Variants in SGCZ observed in about 807,000 individuals in gnomAD.
The protein encoded by SGCZ is zeta-sarcoglycan.
In SGCZ, 40 loss-of-function variants were observed where a neutral mutation model predicts 41.3. The ratio of observed to expected loss-of-function variants is 0.97; its 90% CI spans 0.75 to 1.26. SGCZ has a LOEUF of 1.26. Among genes scored for constraint, SGCZ ranks in the 50% most tolerant of loss-of-function variants. The pLI is 0.00. For synonymous variants in SGCZ, 206 were observed against 137.5 expected, an observed-to-expected ratio of 1.50 and a Z score of -3.49; for missense variants, 552 against 369.8, an observed-to-expected ratio of 1.49 and a Z score of -4.04.
intron 1 of SGCZ, among the ~76,000 whole-genome samples, chr8:15,097,404 A>G (rs1022749838): frequency 1.3e-5 from 2 of 152,120 alleles, no homozygotes; most frequent in Admixed American, 6.6e-5. Flanking sequence ...AACCGCAACT[A>G]TAGTCAGTGC....
chr8:14,347,116 G>A (rs1201425593), intron 2 of SGCZ, among the ~76,000 whole-genome samples: 1 of 151,994 alleles, frequency 6.6e-6, no homozygotes, highest in East Asian at 1.9e-4. Context: ...TAACATTCTA[G>A]CTGAGAGACA....
chr8:14,531,683 TTC>T (rs1803137845), intron 2 of SGCZ, among the ~76,000 whole-genome samples: 1 of 152,228 alleles, frequency 6.6e-6, no homozygotes, highest in African/African-American at 2.4e-5. Context: ...TAATAGATTC[TTC>T]TCTCTTTTTT....
At chr8:14,108,958 T>C (rs745492928) in intron 5 of SGCZ, among the ~76,000 whole-genome samples, 1 of 152,200 alleles carries the variant, frequency 6.6e-6, no homozygotes, top group Non-Finnish European at 1.5e-5. Flanking sequence ...CTATAAATAA[T>C]AGCAGGTCAT....
chr8:15,021,395 A>G (rs1002761240), intron 1 of SGCZ, among the ~76,000 whole-genome samples: 1 of 152,182 alleles, frequency 6.6e-6, no homozygotes, highest in African/African-American at 2.4e-5. Context: ...GCCCGTTCAG[A>G]CTTGTGTTCT....
At chr8:14,420,874 G>C (rs2117305157) in intron 2 of SGCZ, among the ~76,000 whole-genome samples, 1 of 152,170 alleles carries the variant, frequency 6.6e-6, no homozygotes, top group East Asian at 1.9e-4. Context: ...AGGAATACTT[G>C]CTTTATATTT....
chr8:14,562,076 C>G (rs773688429), intron 1 of SGCZ, among the ~76,000 whole-genome samples: 1 of 152,078 alleles, frequency 6.6e-6, no homozygotes, highest in Non-Finnish European at 1.5e-5. Context: ...TTCTACTGAT[C>G]TGGATGGTAT....
intron 2 of SGCZ, among the ~76,000 whole-genome samples, chr8:14,529,011 T>G (rs1038830385): frequency 2.6e-5 from 4 of 152,112 alleles, no homozygotes; most frequent in Non-Finnish European, 5.9e-5. Context: ...TGGCTTATGA[T>G]CCTATTCAAT....
At chr8:14,870,055 C>T (rs1804089139) in intron 1 of SGCZ, among the ~76,000 whole-genome samples, 1 of 152,258 alleles carries the variant, frequency 6.6e-6, no homozygotes, top group South Asian at 2.1e-4. Flanking sequence ...CATTGACTTT[C>T]TTCACAGAAC....
chr8:14,740,649 T>A (rs963689713), intron 1 of SGCZ, among the ~76,000 whole-genome samples: 2 of 152,048 alleles, frequency 1.3e-5, no homozygotes, highest in Non-Finnish European at 2.9e-5. Flanking sequence ...TTCATATTAG[T>A]CAACTCTGTG....
chr8:14,107,942 C>G (rs1258097978), intron 6 of SGCZ, among the ~76,000 whole-genome samples: 1 of 152,146 alleles, frequency 6.6e-6, no homozygotes, highest in Admixed American at 6.5e-5. Flanking sequence ...CGTGCCCGGC[C>G]TCAGGATCCC....
chr8:14,855,697 G>C (rs550635049), intron 1 of SGCZ, among the ~76,000 whole-genome samples: 1 of 152,290 alleles, frequency 6.6e-6, no homozygotes, highest in South Asian at 2.1e-4. Context: ...ACAGAGGCCT[G>C]AGTCTTAGGA....
intron 1 of SGCZ, among the ~76,000 whole-genome samples, chr8:14,864,604 T>A (rs1585329337): frequency 6.6e-6 from 1 of 152,148 alleles, no homozygotes; most frequent in African/African-American, 2.4e-5. Flanking sequence ...TTTGTAGGGT[T>A]TTTAAATTAA....
At chr8:14,097,507 C>G (rs561513664) in intron 7 of SGCZ, among the ~76,000 whole-genome samples, 2 of 152,092 alleles carry the variant, frequency 1.3e-5, no homozygotes, top group East Asian at 3.9e-4. Flanking sequence ...TGTTTTACTT[C>G]CAATTATGTG....
intron 1 of SGCZ, among the ~76,000 whole-genome samples, chr8:14,784,055 T>G (rs1435906889): frequency 4.8e-5 from 1 of 20,636 alleles, no homozygotes; most frequent in African/African-American, 1.5e-4. Flanking sequence ...AATTTAATGT[T>G]TTTTTTTTTT....
intron 1 of SGCZ, among the ~76,000 whole-genome samples, chr8:14,949,030 G>A (rs201897868): frequency 6.6e-6 from 1 of 151,876 alleles, no homozygotes; most frequent in East Asian, 1.9e-4. Context: ...CTCACATACT[G>A]CCAAATCACA....
intron 2 of SGCZ, among the ~76,000 whole-genome samples, chr8:14,488,037 C>G (rs1801728125): frequency 1.3e-5 from 2 of 152,218 alleles, no homozygotes; most frequent in African/African-American, 4.8e-5. Flanking sequence ...CAACTTTTCT[C>G]CTCCTAAGTC....
At chr8:14,683,908 A>C (rs1449686446) in intron 1 of SGCZ, among the ~76,000 whole-genome samples, 1 of 152,130 alleles carries the variant, frequency 6.6e-6, no homozygotes, top group Admixed American at 6.5e-5. Context: ...GAATTTCATC[A>C]ATCTTAAGAT....
intron 4 of SGCZ, among the ~76,000 whole-genome samples, chr8:14,228,764 C>A (rs977229): frequency 0.084 from 12,841 of 152,062 alleles, 759 homozygotes; most frequent in Non-Finnish European, 0.13. Context: ...ACCCTCAAGA[C>A]TAGAATTACT....
chr8:14,816,171 C>T (rs1429550123), intron 1 of SGCZ, among the ~76,000 whole-genome samples: 1 of 152,196 alleles, frequency 6.6e-6, no homozygotes, highest in Non-Finnish European at 1.5e-5. Flanking sequence ...GGGAATTAGA[C>T]ACTTTCATCA....
Sources: gnomAD v4.1 joint callset for allele counts (sites outside exome capture counted in the v4.1 genomes callset) on GRCh38, gnomAD v4.1.1 for gene constraint, MANE v1.5 for transcripts, NCBI Gene and HGNC (gene_info 2026-07-23, HGNC 2026-07-21) for gene names.